SCHIP1: variants seen among roughly 807,000 people sequenced by gnomAD.
SCHIP1 encodes the protein schwannomin interacting protein 1, also known as schwannomin-interacting protein 1.
In SCHIP1, 8 loss-of-function variants were observed where a neutral mutation model predicts 29.7. The observed-to-expected ratio is 0.27, with a 90% CI of 0.16 to 0.49. The LOEUF (loss-of-function observed/expected upper bound fraction) is 0.49. Ranked by LOEUF, SCHIP1 falls within the 20% of genes least tolerant of loss-of-function variation. The pLI, the probability that SCHIP1 is intolerant of heterozygous loss-of-function variation, is 0.99. For missense variants in SCHIP1, 193 were observed against 294.6 expected, an observed-to-expected ratio of 0.66 and a Z score of 2.52; for synonymous variants, 76 against 94.9, an observed-to-expected ratio of 0.80 and a Z score of 1.16.
At chr3:159,474,033 A>G in the SCHIP1 span, among the ~76,000 whole-genome samples, 3 of 152,058 alleles carry the variant, frequency 2.0e-5, no homozygotes, top group Non-Finnish European at 2.9e-5. Flanking sequence ...CTGGTTTCAG[A>G]TGGACACTTA....
chr3:159,820,307 C>G, the SCHIP1 span, among the ~76,000 whole-genome samples: 23 of 152,114 alleles, frequency 1.5e-4, 1 homozygote, highest in African/African-American at 5.6e-4. Flanking sequence ...CACCTCCAGC[C>G]CCCACAACCC....
chr3:159,556,721 G>A, the SCHIP1 span, among the ~76,000 whole-genome samples: 2 of 134,386 alleles, frequency 1.5e-5, no homozygotes, highest in African/African-American at 2.8e-5. Flanking sequence ...TGAACAATGA[G>A]AACACATGGA....
At chr3:159,807,379 C>T in the SCHIP1 span, among the ~76,000 whole-genome samples, 1 of 152,182 alleles carries the variant, frequency 6.6e-6, no homozygotes, top group African/African-American at 2.4e-5. Flanking sequence ...CCAGCCAACT[C>T]ACCTGCACAC....
the SCHIP1 span, among the ~76,000 whole-genome samples, chr3:159,320,270 T>C: frequency 6.6e-6 from 1 of 152,220 alleles, no homozygotes; most frequent in Non-Finnish European, 1.5e-5. Flanking sequence ...AGTGCCCTTA[T>C]TAAAGAGGCC....
chr3:159,548,484 C>A, the SCHIP1 span, among the ~76,000 whole-genome samples: 1 of 151,756 alleles, frequency 6.6e-6, no homozygotes, highest in Admixed American at 6.6e-5. Context: ...TTCTCCCCTA[C>A]CAAAAATCAT....
chr3:159,694,595 A>G, the SCHIP1 span, among the ~76,000 whole-genome samples: 165 of 137,502 alleles, frequency 1.2e-3, no homozygotes, highest in African/African-American at 4.4e-3. Context: ...AAAGAAAGAA[A>G]GAAAGAAAGA....
the SCHIP1 span, among the ~76,000 whole-genome samples, chr3:159,831,707 G>T: frequency 1.3e-5 from 2 of 152,176 alleles, no homozygotes; most frequent in Non-Finnish European, 2.9e-5. Context: ...AGTGTCCACA[G>T]TGTGGATATG....
chr3:159,288,399 A>T, the SCHIP1 span, among the ~76,000 whole-genome samples: 1 of 152,248 alleles, frequency 6.6e-6, no homozygotes, highest in Non-Finnish European at 1.5e-5. Context: ...GAATATTACC[A>T]TTGAAATCAC....
At chr3:159,515,181 C>G in the SCHIP1 span, among the ~76,000 whole-genome samples, 1 of 150,390 alleles carries the variant, frequency 6.6e-6, no homozygotes, top group Non-Finnish European at 1.5e-5. Context: ...TTGTTCTCAA[C>G]ACAGCAAAGT....
the SCHIP1 span, among the ~76,000 whole-genome samples, chr3:159,779,464 T>C: frequency 1.3e-5 from 2 of 149,810 alleles, no homozygotes; most frequent in Admixed American, 1.3e-4. Context: ...AGGTCAGGAG[T>C]TGGAGACCAG....
the SCHIP1 span, among the ~76,000 whole-genome samples, chr3:159,658,563 G>A: frequency 6.6e-6 from 1 of 152,062 alleles, no homozygotes; most frequent in Non-Finnish European, 1.5e-5. Flanking sequence ...AATCCTGTAG[G>A]TTGGACTGTC....
the SCHIP1 span, among the ~76,000 whole-genome samples, chr3:159,499,086 T>C: frequency 6.6e-6 from 1 of 152,184 alleles, no homozygotes; most frequent in South Asian, 2.1e-4. Context: ...ATTAACACCT[T>C]TGAGATTAAC....
the SCHIP1 span, among the ~76,000 whole-genome samples, chr3:159,642,881 C>T: frequency 1.3e-5 from 2 of 151,960 alleles, no homozygotes; most frequent in African/African-American, 4.8e-5. Context: ...AGGGGGAGAA[C>T]AGAGAGATGG....
chr3:159,295,431 A>G, the SCHIP1 span, among the ~76,000 whole-genome samples: 19 of 151,868 alleles, frequency 1.3e-4, no homozygotes, highest in Middle Eastern at 6.8e-3. Flanking sequence ...TCCATCTCAC[A>G]AAAGTCAATC....
the SCHIP1 span, among the ~76,000 whole-genome samples, chr3:159,619,198 T>C: frequency 6.6e-6 from 1 of 152,216 alleles, no homozygotes; most frequent in East Asian, 1.9e-4. Context: ...TTCTCCTCTT[T>C]TTTAATGGAA....
chr3:159,714,415 G>A, the SCHIP1 span, among the ~76,000 whole-genome samples: 193 of 152,306 alleles, frequency 1.3e-3, no homozygotes, highest in African/African-American at 4.4e-3. Flanking sequence ...TGCAGCCCAC[G>A]GACCGTAAGC....
At chr3:159,347,775 T>A in the SCHIP1 span, among the ~76,000 whole-genome samples, 22 of 152,168 alleles carry the variant, frequency 1.4e-4, no homozygotes, top group African/African-American at 5.3e-4. Flanking sequence ...CACAATTTCC[T>A]TTTTTTGTCC....
At chr3:159,606,441 C>G in the SCHIP1 span, among the ~76,000 whole-genome samples, 1 of 152,166 alleles carries the variant, frequency 6.6e-6, no homozygotes, top group African/African-American at 2.4e-5. Flanking sequence ...AGCCCACAGA[C>G]AGCATTTGGA....
the SCHIP1 span, among the ~76,000 whole-genome samples, chr3:159,428,304 AG>A: frequency 6.6e-6 from 1 of 152,034 alleles, no homozygotes; most frequent in African/African-American, 2.4e-5. Flanking sequence ...CATCTGACAA[AG>A]GGCTAATATC....
Sources: gnomAD v4.1 joint callset for allele counts (sites outside exome capture counted in the v4.1 genomes callset) on GRCh38, gnomAD v4.1.1 for gene constraint, MANE v1.5 for transcripts, NCBI Gene and HGNC (gene_info 2026-07-23, HGNC 2026-07-21) for gene names.